The following LINGO2 variants were observed in gnomAD, a reference collection of about 807,000 sequenced individuals.
LINGO2 encodes leucine-rich repeat and immunoglobulin-like domain-containing nogo receptor-interacting protein 2.
LINGO2 carries 14 observed loss-of-function variants against 30.6 expected under a neutral mutation model. The ratio of observed to expected loss-of-function variants is 0.46; its 90% CI spans 0.30 to 0.72. The LOEUF (loss-of-function observed/expected upper bound fraction) is 0.72, where lower values mean the gene tolerates loss of function less well. Among genes scored for constraint, LINGO2 ranks in the 30% least tolerant of loss-of-function variants. The probability of loss-of-function intolerance (pLI) is 0.07; values close to 1 mark genes in which losing one functional copy is unlikely to be tolerated. For missense variants in LINGO2, 729 were observed against 751.7 expected (o/e 0.97, Z 0.35); for synonymous variants, 317 against 288.5 (o/e 1.10, Z -1.00).
the LINGO2 span, among the ~76,000 whole-genome samples, chr9:28,866,920 G>C: frequency 2.0e-5 from 3 of 152,086 alleles, no homozygotes; most frequent in Admixed American, 6.6e-5. Context: ...CTGTACTATA[G>C]TTTATTTTCT....
the LINGO2 span, among the ~76,000 whole-genome samples, chr9:29,118,590 G>C: frequency 6.6e-6 from 1 of 152,092 alleles, no homozygotes; most frequent in Non-Finnish European, 1.5e-5. Flanking sequence ...CTTTGAGAAG[G>C]CCAGTCCAAG....
At chr9:28,950,318 C>G in the LINGO2 span, among the ~76,000 whole-genome samples, 1 of 152,128 alleles carries the variant, frequency 6.6e-6, no homozygotes, top group South Asian at 2.1e-4. Flanking sequence ...GGAAGCATTC[C>G]CTTTGAAAAG....
At chr9:29,132,318 G>A in the LINGO2 span, among the ~76,000 whole-genome samples, 5 of 152,126 alleles carry the variant, frequency 3.3e-5, no homozygotes, top group African/African-American at 9.6e-5. Flanking sequence ...AACTTTCCAC[G>A]CCCAAGTAAC....
the LINGO2 span, among the ~76,000 whole-genome samples, chr9:28,939,594 C>G: frequency 2.6e-5 from 4 of 152,092 alleles, no homozygotes; most frequent in African/African-American, 9.7e-5. Flanking sequence ...TGTGATCACT[C>G]CTTTCATACT....
intron 2 of LINGO2, among the ~76,000 whole-genome samples, chr9:28,434,955 C>G (rs1404637117): frequency 6.6e-6 from 1 of 152,110 alleles, no homozygotes; most frequent in Non-Finnish European, 1.5e-5. Context: ...TCCAGGCTCT[C>G]TCAATCGACT....
chr9:28,961,195 G>A, the LINGO2 span, among the ~76,000 whole-genome samples: 8 of 152,162 alleles, frequency 5.3e-5, no homozygotes, highest in Non-Finnish European at 8.8e-5. Context: ...TACTATCGCC[G>A]GCAAGAGTCT....
At chr9:28,465,547 G>T (rs1334312522) in intron 2 of LINGO2, among the ~76,000 whole-genome samples, 1 of 152,168 alleles carries the variant, frequency 6.6e-6, no homozygotes, top group Non-Finnish European at 1.5e-5. Context: ...ATTCAGGCTT[G>T]AGGGTGGAGC....
Position 28,604,037 on chromosome 9 carries a change from C to T in LINGO2, c.-365+66163G>A, listed in dbSNP as rs1267998543. On this transcript the variant is annotated intron_variant, in intron 1 of 5. Coordinates refer to ENST00000379992, the Ensembl canonical transcript of LINGO2. ...TTCGAGTTTTTCTTCCGCAGATTTT[C>T]ATTTCTGAATATTAAACCATGCAAA... Among the ~76,000 whole-genome samples the T allele has an allele frequency of 2.6e-5, 4 of 151,936 alleles. No homozygotes were observed. The East Asian group carries it at 7.7e-4, about 29-fold the overall frequency.
At chr9:28,504,749 G>C (rs1399415617) in intron 1 of LINGO2, among the ~76,000 whole-genome samples, 1 of 151,724 alleles carries the variant, frequency 6.6e-6, no homozygotes, top group Non-Finnish European at 1.5e-5. Context: ...GTCATTGTAA[G>C]TACCCTAAAT....
intron 5 of LINGO2, among the ~76,000 whole-genome samples, chr9:28,005,798 C>T (rs1822236995): frequency 6.6e-6 from 1 of 151,682 alleles, no homozygotes; most frequent in Non-Finnish European, 1.5e-5. Flanking sequence ...ATAGGGCCAC[C>T]AAGACAGAGC....
At chr9:28,231,239 G>T (rs924693879) in intron 4 of LINGO2, among the ~76,000 whole-genome samples, 4 of 151,850 alleles carry the variant, frequency 2.6e-5, no homozygotes, top group African/African-American at 9.7e-5. Context: ...GGAAGGTGAA[G>T]GAGGACAACA....
At chr9:28,852,663 C>T in the LINGO2 span, among the ~76,000 whole-genome samples, 1 of 151,974 alleles carries the variant, frequency 6.6e-6, no homozygotes, top group Admixed American at 6.6e-5. Context: ...TAATGTGATG[C>T]TGGCTTTTTC....
At chr9:28,618,509 T>G (rs183638283) in intron 1 of LINGO2, among the ~76,000 whole-genome samples, 9 of 152,254 alleles carry the variant, frequency 5.9e-5, no homozygotes, top group Admixed American at 5.9e-4. Flanking sequence ...ATATAAATTG[T>G]CATTTACTCC....
chr9:28,172,873 A>G (rs1336496369), intron 4 of LINGO2, among the ~76,000 whole-genome samples: 2 of 152,146 alleles, frequency 1.3e-5, no homozygotes, highest in Admixed American at 1.3e-4. Context: ...CCTATGGCCT[A>G]TTGCTTATAT....
At chr9:28,404,867 G>A (rs1822429130) in intron 2 of LINGO2, among the ~76,000 whole-genome samples, 2 of 150,872 alleles carry the variant, frequency 1.3e-5, no homozygotes, top group Admixed American at 1.3e-4. Flanking sequence ...ATGGAAGAAT[G>A]TGACTGCTGT....
At chr9:28,666,411 C>T (rs1828803773) in intron 1 of LINGO2, among the ~76,000 whole-genome samples, 1 of 151,980 alleles carries the variant, frequency 6.6e-6, no homozygotes, top group South Asian at 2.1e-4. Flanking sequence ...TGATTAATGG[C>T]CAACACTTTA....
the LINGO2 span, among the ~76,000 whole-genome samples, chr9:29,194,138 T>C: frequency 6.6e-6 from 1 of 152,156 alleles, no homozygotes. Flanking sequence ...TTGAACAAGG[T>C]CTTGCTTACG....
At chr9:28,804,553 AAAAACAAAAAC>A in the LINGO2 span, among the ~76,000 whole-genome samples, 4 of 108,186 alleles carry the variant, frequency 3.7e-5, no homozygotes, top group East Asian at 2.6e-4. Context: ...AAACAAAAAC[AAAAACAAAAAC>A]AAAAAAAAAA....
intron 4 of LINGO2, among the ~76,000 whole-genome samples, chr9:28,177,080 A>C: frequency 6.6e-6 from 1 of 152,178 alleles, no homozygotes; most frequent in East Asian, 1.9e-4. Context: ...ATACATGCAA[A>C]TGTTATTATA....
Sources: gnomAD v4.1 joint callset for allele counts (sites outside exome capture counted in the v4.1 genomes callset) on GRCh38, gnomAD v4.1.1 for gene constraint, MANE v1.5 for transcripts, NCBI Gene and HGNC (gene_info 2026-07-23, HGNC 2026-07-21) for gene names.